SACS: variants seen among roughly 807,000 people sequenced by gnomAD.
SACS encodes sacsin.
In SACS, 197 loss-of-function variants were observed where a neutral mutation model predicts 348.0. The observed-to-expected ratio is 0.57, with a 90% CI of 0.50 to 0.64. SACS has a LOEUF of 0.64. Ranked by LOEUF, SACS falls within the 30% of genes least tolerant of loss-of-function variation. The pLI is 0.00. For synonymous variants in SACS, 1,985 were observed against 1,910.6 expected (o/e 1.04, Z -1.02); for missense variants, 4,999 against 5,360.8 (o/e 0.93, Z 2.11).
At chr13:23,388,681 G>A (rs902778860) in intron 2 of SACS, among the ~76,000 whole-genome samples, 6 of 138,826 alleles carry the variant, frequency 4.3e-5, no homozygotes, top group Admixed American at 3.0e-4. Flanking sequence ...CTAAGCCATG[G>A]GTACACAAAA....
chr13:23,373,117 A>C (rs1398338701), intron 3 of SACS, among the ~76,000 whole-genome samples: 1 of 152,146 alleles, frequency 6.6e-6, no homozygotes, highest in Non-Finnish European at 1.5e-5. Flanking sequence ...GACCACATCT[A>C]GGGGACAAGA....
chr13:23,415,161 A>T (rs148988766), intron 1 of SACS, among the ~76,000 whole-genome samples: 303 of 152,124 alleles, frequency 2.0e-3, no homozygotes, highest in African/African-American at 7.0e-3. Context: ...CCTCCCGAGT[A>T]GCTGGGACTA....
intron 2 of SACS, among the ~76,000 whole-genome samples, chr13:23,377,579 T>C (rs1270987312): frequency 2.0e-5 from 3 of 152,174 alleles, no homozygotes; most frequent in Non-Finnish European, 4.4e-5. Context: ...TTGACTTTCC[T>C]ACCCACCACA....
intron 2 of SACS, among the ~76,000 whole-genome samples, chr13:23,386,291 T>C (rs189399198): frequency 6.6e-6 from 1 of 152,248 alleles, no homozygotes; most frequent in African/African-American, 2.4e-5. Context: ...GTCACCTTCA[T>C]CAGTTATGTT....
chr13:23,420,655 C>T (rs180985425), intron 1 of SACS, among the ~76,000 whole-genome samples: 1 of 152,226 alleles, frequency 6.6e-6, no homozygotes, highest in African/African-American at 2.4e-5. Flanking sequence ...CACCTGAGGC[C>T]TTGGTGTCAG....
At chr13:23,356,139 T>C (rs1593146273) in intron 7 of SACS, 132 bp from the exon 8 acceptor site, 2 of 738,576 alleles carry the variant, frequency 2.7e-6, no homozygotes, top group Non-Finnish European at 4.4e-6. Context: ...ACAAACTTAA[T>C]TTACCTTCAG....
rs1883412094 is a variant in SACS at position 23,330,687 on chromosome 13, A to G, written c.13189T>C (p.Phe4397Leu). 1 of 1,614,002 alleles carries G rather than the reference A, an allele frequency of 6.2e-7. No homozygotes were observed. Among genetic ancestry groups the G allele is most frequent in the South Asian group, 1.1e-5 (1 of 91,072 alleles). Residue 4397 changes from phenylalanine to leucine, a missense_variant, in exon 10 of 10, where the codon TTC (phenylalanine) becomes CTC (leucine). Physicochemically the swap from Phe to Leu is conservative, Grantham distance 22 (BLOSUM62 0). Coordinates refer to ENST00000382292, the MANE Select transcript of SACS (RefSeq NM_014363.6). ...GCTTCTTGATTCCATGAAGTATAGAATCTCTGAAATGAGTATTTGTCTGAC... is the reference window on the plus strand; with the variant it reads ...GCTTCTTGATTCCATGAAGTATAGAGTCTCTGAAATGAGTATTTGTCTGAC... ...FQSDKYSFQRFYTSWNQEATS... is the reference protein window; with the variant it reads ...FQSDKYSFQRLYTSWNQEATS...
At chr13:23,361,515 G>A (rs1255669583) in intron 6 of SACS, among the ~76,000 whole-genome samples, 3 of 152,100 alleles carry the variant, frequency 2.0e-5, no homozygotes, top group African/African-American at 4.8e-5. Context: ...GGTGGCTCAC[G>A]CCTGTAATCC....
rs200955535 is a variant in SACS at position 23,411,081 on chromosome 13, A to C, written c.20+139T>G. On this transcript the variant is annotated intron_variant, in intron 2 of 9. Transcript: ENST00000382292. ...AAATTACATATACAATTTCAGTTAG[A>C]ACTGAGATATGGATGGTTAGTTCAC... The C allele has an allele frequency of 8.1e-5, 59 of 725,648 alleles. No homozygotes were observed. The East Asian group carries it at 1.5e-3, about 18-fold the overall frequency. 45.0% of individuals were successfully genotyped at this position (725,648 alleles called of 1,614,324 possible).
intron 1 of SACS, among the ~76,000 whole-genome samples, chr13:23,429,259 T>A (rs1874322493): frequency 1.3e-5 from 2 of 150,918 alleles, no homozygotes; most frequent in South Asian, 4.2e-4. Flanking sequence ...CAATTATTTC[T>A]TTAAAAACTA....
chr13:23,410,519 G>T (rs755445274), intron 2 of SACS, among the ~76,000 whole-genome samples: 24 of 152,028 alleles, frequency 1.6e-4, no homozygotes, highest in Non-Finnish European at 3.4e-4. Context: ...ATATCTTTAG[G>T]TTACAAGATG....
Position 23,355,358 on chromosome 13 carries a change from T to G in SACS, c.1254A>C (p.Pro418=), listed in dbSNP as rs750585737. ...ATAAAGGCATGGCTATTCCAATGATTGGGACAAATTTCAGTTCATCAGCTA... is the reference window on the plus strand; with the variant it reads ...ATAAAGGCATGGCTATTCCAATGATGGGGACAAATTTCAGTTCATCAGCTA... The part of the protein sequence containing the change: ...DSLADELKFV[P]IIGIAMPLSS... Residue 418 remains proline, a synonymous_variant, in exon 8 of 10, where the codon CCA becomes CCC. Transcript: ENST00000382292. 6.2e-7 allele frequency: 1 copy of G among 1,614,144 alleles called. No individual in the cohort carries two copies. Among genetic ancestry groups the G allele is most frequent in the Non-Finnish European group, 8.5e-7 (1 of 1,180,030 alleles).
intron 1 of SACS, among the ~76,000 whole-genome samples, chr13:23,431,716 A>G (rs1333473): frequency 0.025 from 3,758 of 152,322 alleles, 64 homozygotes; most frequent in African/African-American, 0.041. Flanking sequence ...GAATACTCCT[A>G]TGGCAACATG....
chr13:23,375,170 C>G lies in SACS; in HGVS notation c.120G>C (p.Ala40=). Residue 40 remains alanine (A), a synonymous_variant, in exon 3 of 10, where the codon GCG becomes GCC. Transcript: ENST00000382292. ...TVRDVKERIF[A]ETGFPVSEQR... ...GCTCCGACACCGGGAAGCCAGTCTCCGCGAAGATACGTTCCTTCACATCGC... is the reference window on the plus strand; with the variant it reads ...GCTCCGACACCGGGAAGCCAGTCTCGGCGAAGATACGTTCCTTCACATCGC... The G allele has an allele frequency of 1.3e-6, 2 of 1,505,438 alleles. No individual in the cohort carries two copies. Among genetic ancestry groups the G allele is most frequent in the South Asian group, 2.5e-5 (2 of 79,732 alleles). 93.3% of individuals were successfully genotyped at this position (1,505,438 alleles called of 1,614,324 possible).
intron 1 of SACS, among the ~76,000 whole-genome samples, chr13:23,419,978 G>A (rs1285633642): frequency 1.3e-5 from 2 of 152,102 alleles, no homozygotes; most frequent in Non-Finnish European, 2.9e-5. Flanking sequence ...ATGGGTCCTT[G>A]GTGTCCACCT....
rs552275741 is a variant in SACS, at chr13:23,408,801, T to C, written c.20+2419A>G. Among the ~76,000 whole-genome samples the C allele has an allele frequency of 3.9e-3, 599 of 151,724 alleles. 2 individuals carry two copies. Among genetic ancestry groups the C allele is most frequent in the Non-Finnish European group, 6.5e-3 (442 of 67,916 alleles). ...TAACACGGTGAAACCCCATCTCTAC[T>C]AAAAATACAAAAAATTAGCCGGGCG... On this transcript the variant is annotated intron_variant, in intron 2 of 9. Coordinates refer to ENST00000382292, the MANE Select transcript of SACS (RefSeq NM_014363.6).
rs750400880 is a variant in SACS at position 23,337,759 on chromosome 13, T to G, written c.6117A>C (p.Glu2039Asp). ...CAAGTAGTATCTGTTTGCAGCCAGC[T>G]TCTTCAAATCCTAATTTTACCGAAG... is the stretch of plus-strand genomic sequence containing the variant. Reference protein sequence around the residue: ...LPSSVKLGFEEAGCKQILLEN... With the variant: ...LPSSVKLGFEDAGCKQILLEN... Residue 2039 changes from glutamate (E) to aspartate (D), a missense_variant, in exon 10 of 10, where the codon GAA (glutamate) becomes GAC (aspartate). Around this residue, in one of 6 missense-constraint regions of SACS, gnomAD observed 3,156 missense variants for 3,380.1 expected, o/e 0.93. Coordinates refer to ENST00000382292, the MANE Select transcript of SACS (RefSeq NM_014363.6). 1 of 1,613,972 alleles carries G rather than the reference T, an allele frequency of 6.2e-7. No homozygotes were observed. The highest frequency in any genetic ancestry group is 1.1e-5 in the South Asian group (1 of 91,070).
chr13:23,410,044 CTTTGA>C (rs931613114), intron 2 of SACS, among the ~76,000 whole-genome samples: 2 of 152,092 alleles, frequency 1.3e-5, no homozygotes, highest in Admixed American at 1.3e-4. Context: ...ATGGGTTCAC[CTTTGA>C]TTTGAAAAAA....
Position 23,365,144 on chromosome 13 carries a change from G to T in SACS, c.457+22C>A, listed in dbSNP as rs373861993. ...CCTGTTAGTGCATACAATAAAATTT[G>T]TTCCTAATTATTGATTCTTACCCTG... On this transcript the variant is annotated intron_variant, in intron 6 of 9. Coordinates refer to ENST00000382292, the MANE Select transcript of SACS (RefSeq NM_014363.6). 8.7e-6 allele frequency: 13 copies of T among 1,494,450 alleles called. No homozygotes were observed. In the African/African-American group the frequency reaches 1.5e-4, roughly 18 times the overall value. 92.6% of individuals were successfully genotyped at this position (1,494,450 alleles called of 1,614,324 possible). A position where few individuals can be genotyped will look rare whatever the true frequency, so the allele number is the denominator to read the frequency against.
Sources: gnomAD v4.1 joint callset for allele counts (sites outside exome capture counted in the v4.1 genomes callset) on GRCh38, gnomAD v4.1.1 for gene constraint, gnomAD v4.1.1 regional missense constraint, MANE v1.5 for transcripts, NCBI Gene and HGNC (gene_info 2026-07-23, HGNC 2026-07-21) for gene names.